The following RALGPS2 variants were observed in gnomAD, a reference collection of about 807,000 sequenced individuals.
The protein encoded by RALGPS2 is Ral GEF with PH domain and SH3 binding motif 2.
A neutral mutation model predicts 86.8 loss-of-function variants in RALGPS2; 43 were observed. That is an observed-to-expected ratio of 0.50 (90% CI 0.39 to 0.64). RALGPS2 has a LOEUF of 0.64. Among genes scored for constraint, RALGPS2 ranks in the 30% least tolerant of loss-of-function variants. RALGPS2 has a pLI of 0.00. For synonymous variants in RALGPS2, 243 were observed against 231.3 expected (o/e 1.05, Z -0.46); for missense variants, 536 against 694.6 (o/e 0.77, Z 2.57).
intron 4 of RALGPS2, among the ~76,000 whole-genome samples, chr1:178,789,298 C>T (rs747133412): frequency 1.3e-4 from 20 of 152,116 alleles, no homozygotes; most frequent in South Asian, 2.1e-4. Flanking sequence ...AAGGAGACCA[C>T]GTGAGAGATG....
intron 8 of RALGPS2, among the ~76,000 whole-genome samples, chr1:178,838,131 C>T (rs1320264502): frequency 1.3e-5 from 2 of 152,212 alleles, no homozygotes. Flanking sequence ...CAGCAGAAAC[C>T]TCTGCAGACT....
At chr1:178,804,177 C>G (rs1466672999) in intron 4 of RALGPS2, among the ~76,000 whole-genome samples, 1 of 150,658 alleles carries the variant, frequency 6.6e-6, no homozygotes, top group Non-Finnish European at 1.5e-5. Context: ...ATAGCAAAAT[C>G]CTAACTCAGT....
chr1:178,727,992 A>T (rs987878691), intron 1 of RALGPS2, among the ~76,000 whole-genome samples: 1 of 152,202 alleles, frequency 6.6e-6, no homozygotes, highest in African/African-American at 2.4e-5. Flanking sequence ...AGCGAACAAA[A>T]ACATTAAGAC....
intron 4 of RALGPS2, among the ~76,000 whole-genome samples, chr1:178,803,818 C>A (rs989774768): frequency 1.3e-5 from 2 of 152,098 alleles, no homozygotes; most frequent in South Asian, 2.1e-4. Flanking sequence ...TGTCATCTCT[C>A]CCCTCAGTAT....
At chr1:178,868,136 C>A in intron 8 of RALGPS2, among the ~76,000 whole-genome samples, 1 of 151,652 alleles carries the variant, frequency 6.6e-6, no homozygotes, top group South Asian at 2.1e-4. Flanking sequence ...TGTTTTCATA[C>A]CTTGCTTTCT....
Position 178,901,493 on chromosome 1 carries a change from A to G in RALGPS2, c.1525-613A>G, listed in dbSNP as rs138218498. Among the ~76,000 whole-genome samples, 906 of 152,206 alleles carry G rather than the reference A, an allele frequency of 6.0e-3. 15 individuals carry two copies. Among genetic ancestry groups the G allele is most frequent in the African/African-American group, 0.021 (878 of 41,570 alleles). On this transcript the variant is annotated intron_variant, in intron 17 of 19. Transcript: ENST00000367635. ...TCTTCTTTTATAACTGCCCTTTCTC[A>G]GAATTAAGAAAAGAAGTTGTAGCTA...
intron 19 of RALGPS2, among the ~76,000 whole-genome samples, chr1:178,907,730 T>C (rs1660447626): frequency 6.6e-6 from 1 of 152,234 alleles, no homozygotes; most frequent in African/African-American, 2.4e-5. Context: ...TGGTTAGCAT[T>C]ATCAGTAGGT....
In RALGPS2 at chr1:178,877,634, T is replaced by C; in HGVS notation, c.744T>C (p.Tyr248=). The change falls in exon 9 of 20, where the codon TAT becomes TAC. Residue 248 remains tyrosine (Y), a splice_region_variant and synonymous_variant. Transcript: ENST00000367635. ...IISDLQQSCE[Y]DIPMLPHVQK... ...CTGATTTACAGCAGTCTTGTGAATA[T>C]GGTAAGTTTCTAGGGGATAATGCCA... 6.2e-7 allele frequency: 1 copy of C among 1,612,874 alleles called. No individual in the cohort carries two copies.
At chr1:178,891,726 C>A (rs1038765226) in intron 14 of RALGPS2, among the ~76,000 whole-genome samples, 1 of 151,786 alleles carries the variant, frequency 6.6e-6, no homozygotes, top group Non-Finnish European at 1.5e-5. Context: ...CAGTTCATTT[C>A]TTTTATTTAC....
At chr1:178,882,787 A>G (rs1022498997) in intron 10 of RALGPS2, among the ~76,000 whole-genome samples, 2 of 152,234 alleles carry the variant, frequency 1.3e-5, no homozygotes, top group African/African-American at 4.8e-5. Flanking sequence ...CTTAAGTACC[A>G]TATAATAAAC....
intron 2 of RALGPS2, among the ~76,000 whole-genome samples, chr1:178,780,641 A>G (rs1653346622): frequency 6.6e-6 from 1 of 152,048 alleles, no homozygotes; most frequent in African/African-American, 2.4e-5. Context: ...AGAATACTAC[A>G]TTTGCTGTTG....
At chr1:178,783,153 A>G (rs1558117479) in intron 2 of RALGPS2, among the ~76,000 whole-genome samples, 1 of 152,198 alleles carries the variant, frequency 6.6e-6, no homozygotes, top group Non-Finnish European at 1.5e-5. Context: ...AGGGATATTA[A>G]AACTATTAAG....
At chr1:178,867,361 G>C (rs1204737314) in intron 8 of RALGPS2, among the ~76,000 whole-genome samples, 2 of 152,094 alleles carry the variant, frequency 1.3e-5, no homozygotes, top group African/African-American at 2.4e-5. Context: ...GCGAGAATTT[G>C]AATCCAGGCT....
chr1:178,806,310 T>C (rs1654737044), intron 4 of RALGPS2, among the ~76,000 whole-genome samples: 1 of 152,210 alleles, frequency 6.6e-6, no homozygotes, highest in South Asian at 2.1e-4. Context: ...AATTGAATTC[T>C]TCAAAATTGA....
At chr1:178,780,531 G>A (rs2102117365) in intron 2 of RALGPS2, among the ~76,000 whole-genome samples, 1 of 152,050 alleles carries the variant, frequency 6.6e-6, no homozygotes, top group South Asian at 2.1e-4. Context: ...AAATTTAAAT[G>A]CCCACTGAGC....
chr1:178,731,272 G>GTTTTT (rs57628726), intron 1 of RALGPS2, among the ~76,000 whole-genome samples: 1,195 of 57,982 alleles, frequency 0.021, 204 homozygotes, highest in Non-Finnish European at 0.025. Flanking sequence ...AGTTGTTTTG[G>GTTTTT]TTTTTTTTTT....
chr1:178,757,741 C>T (rs1652027218), intron 1 of RALGPS2, among the ~76,000 whole-genome samples: 2 of 151,936 alleles, frequency 1.3e-5, no homozygotes, highest in Admixed American at 6.6e-5. Flanking sequence ...GGGATATTGG[C>T]CTGCAGTTTA....
At chr1:178,821,731 A>G in intron 7 of RALGPS2, 27 bp downstream of exon 7, 1 of 1,491,092 alleles carries the variant, frequency 6.7e-7, no homozygotes, top group Non-Finnish European at 9.3e-7. Flanking sequence ...AGTTAATGAA[A>G]GGTTAGACTT....
At chr1:178,758,453 A>G (rs997691512) in intron 1 of RALGPS2, among the ~76,000 whole-genome samples, 1 of 152,138 alleles carries the variant, frequency 6.6e-6, no homozygotes, top group African/African-American at 2.4e-5. Flanking sequence ...ATTATTGACT[A>G]TAGTCACCCT....
Sources: gnomAD v4.1 joint callset for allele counts (sites outside exome capture counted in the v4.1 genomes callset) on GRCh38, gnomAD v4.1.1 for gene constraint, MANE v1.5 for transcripts, NCBI Gene and HGNC (gene_info 2026-07-23, HGNC 2026-07-21) for gene names.